The following SLC12A1 variants were observed in gnomAD, a reference collection of about 807,000 sequenced individuals.
The protein encoded by SLC12A1 is solute carrier family 12 member 1, also known as Na-K-2Cl cotransporter.
In SLC12A1, 89 loss-of-function variants were observed where a neutral mutation model predicts 130.4. That is an observed-to-expected ratio of 0.68 (90% CI 0.58 to 0.81). The LOEUF (loss-of-function observed/expected upper bound fraction) is 0.81. Among genes scored for constraint, SLC12A1 ranks in the 40% least tolerant of loss-of-function variants. The pLI is 0.00. For synonymous variants in SLC12A1, 499 were observed against 460.0 expected (o/e 1.08, Z -1.09); for missense variants, 1,310 against 1,336.4 (o/e 0.98, Z 0.31).
intron 24 of SLC12A1, among the ~76,000 whole-genome samples, chr15:48,292,085 T>C (rs989193504): frequency 6.6e-6 from 1 of 152,244 alleles, no homozygotes; most frequent in African/African-American, 2.4e-5. Flanking sequence ...GGGAGAATTG[T>C]TGAAACAGAT....
Position 48,302,794 on chromosome 15 carries a change from A to T in SLC12A1, c.3209A>T (p.Tyr1070Phe). The change falls in exon 27 of 27, where the codon TAT becomes TTT. Residue 1070 changes from tyrosine to phenylalanine, a missense_variant. Physicochemically the swap from Tyr to Phe is conservative, Grantham distance 22 (BLOSUM62 3). Transcript: ENST00000380993. Reference sequence around the variant, plus strand: ...AAGGGATCCATATCGGATTTGTTGTATATGGCTTGGTTGGAAATCCTCACA... The same window carrying T: ...AAGGGATCCATATCGGATTTGTTGTTTATGGCTTGGTTGGAAATCCTCACA... ...ARKGSISDLLYMAWLEILTKN... is the reference protein window; with the variant it reads ...ARKGSISDLLFMAWLEILTKN... 6.2e-7 allele frequency: 1 copy of T among 1,613,666 alleles called. No individual in the cohort carries two copies. Among genetic ancestry groups the T allele is most frequent in the Non-Finnish European group, 8.5e-7 (1 of 1,179,640 alleles).
intron 24 of SLC12A1, among the ~76,000 whole-genome samples, chr15:48,298,745 T>C (rs558921433): frequency 1.3e-5 from 2 of 152,332 alleles, no homozygotes; most frequent in African/African-American, 2.4e-5. Flanking sequence ...GTCTGTACAA[T>C]AAGCAAGTGG....
At chr15:48,214,733 G>C (rs1424769492) in intron 2 of SLC12A1, among the ~76,000 whole-genome samples, 1 of 151,924 alleles carries the variant, frequency 6.6e-6, no homozygotes, top group African/African-American at 2.4e-5. Flanking sequence ...ACTGGGATTG[G>C]TTTTTAGATA....
At chr15:48,258,544 AG>A (rs1470923661) in intron 16 of SLC12A1, among the ~76,000 whole-genome samples, 1 of 152,064 alleles carries the variant, frequency 6.6e-6, no homozygotes, top group African/African-American at 2.4e-5. Flanking sequence ...CTTTCTTCTG[AG>A]CCCTCCAAGT....
At chr15:48,284,596 T>C (rs1255972799) in intron 20 of SLC12A1, among the ~76,000 whole-genome samples, 1 of 152,226 alleles carries the variant, frequency 6.6e-6, no homozygotes, top group African/African-American at 2.4e-5. Context: ...TTTTCTAAGC[T>C]AGTTGTGACA....
At chr15:48,284,425 C>T (rs187125824) in intron 20 of SLC12A1, among the ~76,000 whole-genome samples, 1 of 152,232 alleles carries the variant, frequency 6.6e-6, no homozygotes, top group Admixed American at 6.5e-5. Context: ...ACATCTGACC[C>T]ACTAGCTTAG....
At chr15:48,254,562 C>T (rs2041681864) in intron 15 of SLC12A1, among the ~76,000 whole-genome samples, 1 of 120,744 alleles carries the variant, frequency 8.3e-6, no homozygotes, top group Non-Finnish European at 1.6e-5. Context: ...TCTCATAAAC[C>T]TTGGAAGATC....
intron 11 of SLC12A1, among the ~76,000 whole-genome samples, chr15:48,246,253 A>G (rs2041578628): frequency 6.6e-6 from 1 of 152,200 alleles, no homozygotes; most frequent in South Asian, 2.1e-4. Flanking sequence ...AAAAAAGACT[A>G]GTAAACAGCT....
At chr15:48,244,634 C>A in intron 10 of SLC12A1, 119 bp from the exon 11 acceptor site, 2 of 956,220 alleles carry the variant, frequency 2.1e-6, no homozygotes, top group Non-Finnish European at 3.2e-6. Flanking sequence ...GAACTACTCA[C>A]AGTGAACAGA....
intron 21 of SLC12A1, among the ~76,000 whole-genome samples, chr15:48,285,575 G>A (rs1342514788): frequency 6.6e-6 from 1 of 152,196 alleles, no homozygotes; most frequent in Non-Finnish European, 1.5e-5. Context: ...AAATTTAAGA[G>A]CCAATACCCA....
chr15:48,220,421 C>T (rs372204055), intron 2 of SLC12A1, among the ~76,000 whole-genome samples: 14 of 152,170 alleles, frequency 9.2e-5, no homozygotes, highest in African/African-American at 3.1e-4. Context: ...TTCACCCAGC[C>T]CTAAAAAACA....
chr15:48,219,417 G>A (rs961208366), intron 2 of SLC12A1, among the ~76,000 whole-genome samples: 15 of 151,948 alleles, frequency 9.9e-5, no homozygotes, highest in Admixed American at 2.0e-4. Flanking sequence ...GTACCTTGGC[G>A]TGGTGGTGCA....
chr15:48,302,699 A>G, intron 26 of SLC12A1, 51 bp from the exon 27 acceptor site: 1 of 1,377,182 alleles, frequency 7.3e-7, no homozygotes, highest in African/African-American at 1.4e-5. Context: ...TGCCGTTACT[A>G]CCTATAGTAA....
rs1291620995 is a variant in SLC12A1 at position 48,208,010 on chromosome 15, T to C, written c.291T>C (p.Tyr97=). ...ATGATTCTCACACAAACACATACTA[T>C]CTACAAACTTTTGGCCACAACACCA... is the stretch of plus-strand genomic sequence containing the variant. ...HAYDSHTNTY[Y]LQTFGHNTMD... Residue 97 remains tyrosine, a synonymous_variant, in exon 2 of 27, where the codon TAT becomes TAC. Coordinates refer to ENST00000380993, the MANE Select transcript of SLC12A1 (RefSeq NM_000338.3). 1.2e-6 allele frequency: 2 copies of C among 1,613,854 alleles called. No individual in the cohort carries two copies. Among genetic ancestry groups the C allele is most frequent in the Non-Finnish European group, 1.7e-6 (2 of 1,179,898 alleles).
At chr15:48,225,084 T>A (rs2041267002) in intron 4 of SLC12A1, 1 of 152,236 alleles carries the variant, frequency 6.6e-6, no homozygotes, top group South Asian at 2.1e-4. Context: ...TATCATTGAG[T>A]GTGTACTGTG....
chr15:48,253,253 T>G (rs999819513), intron 15 of SLC12A1, among the ~76,000 whole-genome samples: 3 of 152,220 alleles, frequency 2.0e-5, no homozygotes, highest in African/African-American at 7.2e-5. Flanking sequence ...GTCTATATGT[T>G]TTGACAAACT....
chr15:48,210,444 G>A (rs1054874739), intron 2 of SLC12A1, among the ~76,000 whole-genome samples: 8 of 152,060 alleles, frequency 5.3e-5, no homozygotes, highest in African/African-American at 1.7e-4. Context: ...AATTCACATT[G>A]TTCTTAGGAC....
intron 8 of SLC12A1, among the ~76,000 whole-genome samples, chr15:48,233,700 T>G: frequency 6.6e-6 from 1 of 152,230 alleles, no homozygotes; most frequent in East Asian, 1.9e-4. Flanking sequence ...ATTTATTTCT[T>G]TTTGATATCA....
intron 13 of SLC12A1, among the ~76,000 whole-genome samples, chr15:48,248,457 A>G (rs1438251551): frequency 6.6e-6 from 1 of 152,260 alleles, no homozygotes; most frequent in Non-Finnish European, 1.5e-5. Context: ...TCTTGTATAC[A>G]TTAGATAATA....
Sources: allele counts gnomAD v4.1 joint callset (sites outside exome capture counted in the v4.1 genomes callset), GRCh38; gene constraint gnomAD v4.1.1; transcripts MANE v1.5; gene names NCBI Gene and HGNC (gene_info 2026-07-23, HGNC 2026-07-21).